The following HECTD4 variants were observed in gnomAD, a reference collection of about 807,000 sequenced individuals.
HECTD4 encodes the protein probable E3 ubiquitin-protein ligase HECTD4.
In HECTD4, 114 loss-of-function variants were observed where a neutral mutation model predicts 471.5. The observed-to-expected ratio is 0.24, with a 90% confidence interval of 0.21 to 0.28. The LOEUF (loss-of-function observed/expected upper bound fraction) is 0.28. HECTD4 is among the 10% of genes least tolerant of loss of function. HECTD4 has a pLI of 1.00. For synonymous variants in HECTD4, 2,012 were observed against 2,256.0 expected, an observed-to-expected ratio of 0.89 and a Z score of 3.07; for missense variants, 3,866 against 5,651.5, an observed-to-expected ratio of 0.68 and a Z score of 10.13.
chr12:112,185,845 C>T (rs1487406367), intron 60 of HECTD4, among the ~76,000 whole-genome samples: 2 of 152,230 alleles, frequency 1.3e-5, no homozygotes, highest in Non-Finnish European at 2.9e-5. Context: ...TCCCAAAGTA[C>T]TGGATGCTTA....
chr12:112,228,530 C>T lies in HECTD4; in HGVS notation c.6684+117G>A, dbSNP rs539823032. On this transcript the variant is annotated intron_variant, in intron 42 of 75. Coordinates refer to ENST00000682272, the MANE Select transcript of HECTD4 (RefSeq NM_001388303.1). The surrounding 1 kb of genome is among the most constrained non-coding windows in gnomAD (Gnocchi z 4.9). ...ATAACCAATACATAAATATACATCACAAGTACAATTTAAGATAATCAAGCA... is the reference window on the plus strand; with the variant it reads ...ATAACCAATACATAAATATACATCATAAGTACAATTTAAGATAATCAAGCA... 2.0e-6 allele frequency: 2 copies of T among 988,236 alleles called. No homozygotes were observed. The highest frequency in any genetic ancestry group is 3.8e-5 in the South Asian group (2 of 52,692). 61.2% of individuals were successfully genotyped at this position (988,236 alleles called of 1,614,324 possible). A position where few individuals can be genotyped will look rare whatever the true frequency, so the allele number is the denominator to read the frequency against.
rs554851738 is a variant in HECTD4 at position 112,194,612 on chromosome 12, T to A, written c.8749+273A>T. On this transcript the variant is annotated intron_variant, in intron 56 of 75. Transcript: ENST00000682272. This position sits in a 1 kb window ranked among gnomAD's most constrained non-coding sequence, Gnocchi z 4.6. ...GTGGCAACAATACAGTGACTTGGTT[T>A]CATAAGTAATACTTAATTTTCCTTG... 1.6e-4 allele frequency among the ~76,000 whole-genome samples: 24 copies of A among 152,372 alleles called. No homozygotes were observed. The highest frequency in any genetic ancestry group is 3.9e-4 in the Admixed American group (6 of 15,308).
rs977741565 is a variant in HECTD4 at position 112,280,687 on chromosome 12, T to C, written c.1529-1301A>G. Reference sequence around the variant, plus strand: ...CTAAAGACAGCAATAATTGGAAAATTAGCAACTTTGTGAGTATACCATTTT... The same window carrying C: ...CTAAAGACAGCAATAATTGGAAAATCAGCAACTTTGTGAGTATACCATTTT... On this transcript the variant is annotated intron_variant, in intron 8 of 75. Transcript: ENST00000682272. 3.9e-5 allele frequency among the ~76,000 whole-genome samples: 6 copies of C among 151,960 alleles called. No individual in the cohort carries two copies. The East Asian group carries it at 1.2e-3, about 29-fold the overall frequency.
chr12:112,208,405 C>T lies in HECTD4; in HGVS notation c.8004+89G>A, dbSNP rs1030817463. 92 of 1,320,178 alleles carry T rather than the reference C, an allele frequency of 7.0e-5. 3 individuals carry two copies. In the Admixed American group the frequency reaches 2.5e-3, roughly 35 times the overall value. The allele number at this position is 1,320,178 out of a possible 1,614,324, so 81.8% of individuals were successfully genotyped here. ...TAACAAAACCAGCTTTGCACTCTCA[C>T]ATCAAAATCACTCCTCCAGGCTTGT... On this transcript the variant is annotated intron_variant, in intron 51 of 75. Coordinates refer to ENST00000682272, the MANE Select transcript of HECTD4 (RefSeq NM_001388303.1).
At chr12:112,209,357 G>A (rs377140144) in intron 50 of HECTD4, among the ~76,000 whole-genome samples, 28 of 143,808 alleles carry the variant, frequency 1.9e-4, no homozygotes, top group East Asian at 1.2e-3. Flanking sequence ...ATGGAGTTTC[G>A]CTCTTATTGC....
intron 7 of HECTD4, among the ~76,000 whole-genome samples, chr12:112,289,099 T>G (rs2034820254): frequency 6.6e-6 from 1 of 152,208 alleles, no homozygotes; most frequent in African/African-American, 2.4e-5. Context: ...TTCTCCTCTC[T>G]TCTTTTTCTT....
intron 1 of HECTD4, chr12:112,321,624 T>C (rs1766210603): frequency 1.3e-5 from 2 of 152,210 alleles, no homozygotes; most frequent in Non-Finnish European, 2.9e-5. Context: ...AAAAATACTC[T>C]TTTATCTCAA....
At chr12:112,234,764 C>T (rs1344021067) in intron 37 of HECTD4, among the ~76,000 whole-genome samples, 1 of 152,312 alleles carries the variant, frequency 6.6e-6, no homozygotes, top group East Asian at 1.9e-4. Context: ...TCTCAAAGCC[C>T]AAGTCACACT....
At chr12:112,303,576 G>A (rs2035208484) in intron 7 of HECTD4, among the ~76,000 whole-genome samples, 1 of 152,180 alleles carries the variant, frequency 6.6e-6, no homozygotes, top group Non-Finnish European at 1.5e-5. Flanking sequence ...GAGGCCAGGT[G>A]TGGTGGCTCA....
chr12:112,243,242 A>T lies in HECTD4; in HGVS notation c.4958+111T>A. On this transcript the variant is annotated intron_variant, in intron 32 of 75. Coordinates refer to ENST00000682272, the MANE Select transcript of HECTD4 (RefSeq NM_001388303.1). This position sits in a 1 kb window ranked among gnomAD's most constrained non-coding sequence, Gnocchi z 6.6. ...TGTACCACTTTTATATAAATATTTTAGAGGAAAACATTAGCAAATACTACC... is the reference window on the plus strand; with the variant it reads ...TGTACCACTTTTATATAAATATTTTTGAGGAAAACATTAGCAAATACTACC... 2.1e-6 allele frequency: 2 copies of T among 946,876 alleles called. No individual in the cohort carries two copies. The highest frequency in any genetic ancestry group is 3.1e-6 in the Non-Finnish European group (2 of 641,492). The allele number at this position is 946,876 out of a possible 1,614,324, so 58.7% of individuals were successfully genotyped here.
intron 1 of HECTD4, among the ~76,000 whole-genome samples, chr12:112,352,421 C>T (rs1014682914): frequency 4.6e-5 from 7 of 151,424 alleles, no homozygotes; most frequent in Non-Finnish European, 7.4e-5. Context: ...TTGCAACCTC[C>T]GCCTCCTGGG....
intron 43 of HECTD4, among the ~76,000 whole-genome samples, chr12:112,227,504 G>A (rs2033271846): frequency 6.6e-6 from 1 of 152,120 alleles, no homozygotes; most frequent in Non-Finnish European, 1.5e-5. Context: ...ACCTGTTACT[G>A]CTGTTTAACG....
intron 1 of HECTD4, among the ~76,000 whole-genome samples, chr12:112,371,215 A>G (rs2036660615): frequency 6.6e-6 from 1 of 152,172 alleles, no homozygotes; most frequent in Non-Finnish European, 1.5e-5. Context: ...ATACAATTGG[A>G]GAAAAACTGA....
chr12:112,249,183 C>T lies in HECTD4; in HGVS notation c.3951-671G>A, dbSNP rs147222333. On this transcript the variant is annotated intron_variant, in intron 25 of 75. Coordinates refer to ENST00000682272, the MANE Select transcript of HECTD4 (RefSeq NM_001388303.1). ...CAGACTGGCCAACGTGGAGAAACCC[C>T]GTCTCTACTAAAAACACAAAATTAG... Among the ~76,000 whole-genome samples the T allele has an allele frequency of 0.056, 8,433 of 151,904 alleles. 1,286 individuals carry two copies. The East Asian group carries it at 0.61, about 11-fold the overall frequency.
chr12:112,257,059 T>C (rs2034029708), intron 20 of HECTD4, among the ~76,000 whole-genome samples: 1 of 152,214 alleles, frequency 6.6e-6, no homozygotes, highest in African/African-American at 2.4e-5. Context: ...CCTACTGTAA[T>C]TGAACTCTCA....
At chr12:112,231,417 T>G (rs1459313360) in intron 39 of HECTD4, 96 bp downstream of exon 39, 3 of 1,209,216 alleles carry the variant, frequency 2.5e-6, no homozygotes, top group Non-Finnish European at 3.6e-6. Context: ...TTCCAAGAGG[T>G]CAAGGGGATG....
At position 112,319,077 on chromosome 12, in the gene HECTD4, G is replaced by T; in HGVS notation, c.695+148C>A. 2.3e-6 allele frequency: 2 copies of T among 879,554 alleles called. No individual in the cohort carries two copies. Among genetic ancestry groups the T allele is most frequent in the Non-Finnish European group, 3.4e-6 (2 of 590,366 alleles). 54.5% of individuals were successfully genotyped at this position (879,554 alleles called of 1,614,324 possible). Reference sequence around the variant, plus strand: ...GTTTGGTGAAAGCATCTCATGCACTGTCAAGGCTGTGAAATTCAATACTGA... The same window carrying T: ...GTTTGGTGAAAGCATCTCATGCACTTTCAAGGCTGTGAAATTCAATACTGA... On this transcript the variant is annotated intron_variant, in intron 2 of 75. Coordinates refer to ENST00000682272, the MANE Select transcript of HECTD4 (RefSeq NM_001388303.1). This position sits in a 1 kb window ranked among gnomAD's most constrained non-coding sequence, Gnocchi z 5.3.
chr12:112,270,082 A>G, intron 12 of HECTD4, 145 bp downstream of exon 12: 2 of 739,218 alleles, frequency 2.7e-6, no homozygotes. Context: ...TGAATATGAT[A>G]ATTCTAACTC....
At chr12:112,291,818 G>A (rs1416237390) in intron 7 of HECTD4, among the ~76,000 whole-genome samples, 1 of 152,160 alleles carries the variant, frequency 6.6e-6, no homozygotes, top group Non-Finnish European at 1.5e-5. Flanking sequence ...CTTGCAGTGA[G>A]CCAAGATTGC....
Sources: allele counts gnomAD v4.1 joint callset (sites outside exome capture counted in the v4.1 genomes callset), GRCh38; gene constraint gnomAD v4.1.1; non-coding constraint Gnocchi (gnomAD v3.1); transcripts MANE v1.5; gene names NCBI Gene and HGNC (gene_info 2026-07-23, HGNC 2026-07-21).